AKR1C2: variants seen among roughly 807,000 people sequenced by gnomAD.
AKR1C2 encodes aldo-keto reductase family 1 member C2.
In AKR1C2, 27 loss-of-function variants were observed where a neutral mutation model predicts 39.8. The ratio of observed to expected loss-of-function variants is 0.68; its 90% CI spans 0.50 to 0.93. The LOEUF (loss-of-function observed/expected upper bound fraction) is 0.93, where lower values mean the gene tolerates loss of function less well. Ranked by LOEUF, AKR1C2 falls within the 40% of genes least tolerant of loss-of-function variation. AKR1C2 has a pLI of 0.00. For synonymous variants in AKR1C2, 114 were observed against 137.9 expected (o/e 0.83, Z 1.22); for missense variants, 263 against 365.1 (o/e 0.72, Z 2.28).
At chr10:5,011,936 G>A (rs1220863892) in intron 1 of AKR1C2, among the ~76,000 whole-genome samples, 1 of 152,182 alleles carries the variant, frequency 6.6e-6, no homozygotes, top group Non-Finnish European at 1.5e-5. Context: ...CATGGAAGTA[G>A]TTGCCTGAAG....
In AKR1C2 at chr10:5,001,665, G is replaced by A. The variant is rs782384377; in HGVS notation, c.101C>T (p.Ala34Val). ...TATTGCCAATTTGACGGCCTCTAGA[G>A]CTTTACTTTTAGGAACCTGGGGGAG... ...YAPAEVPKSK[A>V]LEAVKLAIEA... is the part of the protein sequence containing the mutation. The change falls in exon 2 of 9, where the codon GCT becomes GTT. Residue 34 changes from alanine to valine, a missense_variant. This residue lies in a region of AKR1C2 where 247 missense variants were observed against 267.9 expected (regional missense o/e 0.92). Coordinates refer to ENST00000380753, the MANE Select transcript of AKR1C2 (RefSeq NM_001393392.1). 6 of 1,613,692 alleles carry A rather than the reference G, an allele frequency of 3.7e-6. No individual in the cohort carries two copies. In the African/African-American group the frequency reaches 6.7e-5, roughly 18 times the overall value.
chr10:5,002,801 G>C (rs568473483), intron 1 of AKR1C2, among the ~76,000 whole-genome samples: 2 of 152,070 alleles, frequency 1.3e-5, no homozygotes, highest in African/African-American at 4.8e-5. Flanking sequence ...TCTTCTCTTC[G>C]CTGTGCAAGC....
At chr10:5,003,443 C>T (rs1418303922) in intron 1 of AKR1C2, among the ~76,000 whole-genome samples, 6 of 151,338 alleles carry the variant, frequency 4.0e-5, no homozygotes, top group South Asian at 4.3e-4. Context: ...AATATCTGTT[C>T]GACTATACAA....
intron 1 of AKR1C2, chr10:5,010,726 T>C (rs1363419452): frequency 1.3e-5 from 2 of 152,196 alleles, no homozygotes; most frequent in African/African-American, 4.8e-5. Flanking sequence ...AAATTCATGT[T>C]GATGATAAGG....
upstream of AKR1C2, among the ~76,000 whole-genome samples, chr10:5,008,632 A>C (rs1484610552): frequency 8.5e-5 from 13 of 152,230 alleles, no homozygotes; most frequent in Non-Finnish European, 1.5e-5. Flanking sequence ...ATATGAGGAA[A>C]GGGAGATGGG....
chr10:4,996,163 C>G lies in AKR1C2; in HGVS notation c.571-298G>C, dbSNP rs1837029892. The G allele has an allele frequency of 4.5e-5, 13 of 288,076 alleles. No homozygotes were observed. The South Asian group carries it at 6.2e-4, about 14-fold the overall frequency. 17.8% of individuals were successfully genotyped at this position (288,076 alleles called of 1,614,324 possible). The stretch of plus-strand genomic sequence containing the variant: ...TGGGATGAGGTAAGATTCTTTGAGC[C>G]TTGGGCATCAAATCGTGCCAGAAAT... On this transcript the variant is annotated intron_variant, in intron 5 of 8. Coordinates refer to ENST00000380753, the MANE Select transcript of AKR1C2 (RefSeq NM_001393392.1).
rs186037590 is a variant in AKR1C2 at position 5,014,317 on chromosome 10, C to T, written c.-88+3583G>A. On this transcript the variant is annotated intron_variant, in intron 1 of 6. Transcript: ENST00000604507. Reference sequence around the variant, plus strand: ...ACCTCTCTCCTATTGTCCAGGCTGTCCTCTGCTATGGTTACTGGGCTCGTT... The same window carrying T: ...ACCTCTCTCCTATTGTCCAGGCTGTTCTCTGCTATGGTTACTGGGCTCGTT... Among the ~76,000 whole-genome samples the T allele has an allele frequency of 4.1e-3, 619 of 152,246 alleles. 2 individuals carry two copies. Among genetic ancestry groups the T allele is most frequent in the Admixed American group, 9.7e-3 (149 of 15,286 alleles).
chr10:4,996,540 T>C (rs1837049373), intron 5 of AKR1C2, among the ~76,000 whole-genome samples: 1 of 130,024 alleles, frequency 7.7e-6, no homozygotes, highest in African/African-American at 2.6e-5. Flanking sequence ...ATATATTATA[T>C]ATATATAATA....
In AKR1C2 at chr10:5,003,838, C is replaced by A; in HGVS notation, c.-3G>T. ...ACACACTGGTATTTCGAATCCATTT[C>A]TGTCACTGGCCTGGTTAGCAAATGT... On this transcript the variant is annotated 5_prime_UTR_variant, in exon 1 of 9. Transcript: ENST00000380753. 6.2e-7 allele frequency: 1 copy of A among 1,614,100 alleles called. No individual in the cohort carries two copies. The highest frequency in any genetic ancestry group is 8.5e-7 in the Non-Finnish European group (1 of 1,179,970).
intron 3 of AKR1C2, chr10:4,999,535 C>T (rs1837185615): frequency 2.2e-6 from 1 of 452,760 alleles, no homozygotes; most frequent in South Asian, 3.0e-5. Flanking sequence ...TCATCATTGA[C>T]TTTCATTGAC....
chr10:5,002,784 T>A (rs1432556572), intron 1 of AKR1C2, among the ~76,000 whole-genome samples: 3 of 152,174 alleles, frequency 2.0e-5, no homozygotes, highest in African/African-American at 7.2e-5. Context: ...CCTCATACCA[T>A]CTTTGATCTT....
chr10:4,988,825 T>A lies in AKR1C2; in HGVS notation c.*1171A>T, dbSNP rs1307868579. 1 of 151,398 alleles carries A rather than the reference T, an allele frequency of 6.6e-6. No homozygotes were observed. The highest frequency in any genetic ancestry group is 2.4e-5 in the African/African-American group (1 of 41,140). The allele number at this position is 151,398 out of a possible 1,614,324, so 9.4% of individuals were successfully genotyped here. On this transcript the variant is annotated 3_prime_UTR_variant, in exon 9 of 9. Transcript: ENST00000380753. ...AAAACGAAAATCATGTCTTCATGAT[T>A]AGCTGATTTGATTAGTTCCCCTGAA...
chr10:5,011,403 A>C (rs1450947342), intron 1 of AKR1C2, among the ~76,000 whole-genome samples: 1 of 152,244 alleles, frequency 6.6e-6, no homozygotes, highest in Non-Finnish European at 1.5e-5. Flanking sequence ...CTATGTAGCA[A>C]ACTGCACTTG....
chr10:4,990,980 A>G (rs1171132711), intron 8 of AKR1C2, among the ~76,000 whole-genome samples: 1 of 151,128 alleles, frequency 6.6e-6, no homozygotes, highest in Non-Finnish European at 1.5e-5. Context: ...TTTTTCACAC[A>G]TTATCTCATC....
At chr10:5,011,169 G>C (rs1416564867) in intron 1 of AKR1C2, among the ~76,000 whole-genome samples, 1 of 151,938 alleles carries the variant, frequency 6.6e-6, no homozygotes, top group Non-Finnish European at 1.5e-5. Flanking sequence ...ACAATAACAA[G>C]AAAACCCAAA....
chr10:5,008,238 C>G (rs1837444643), upstream of AKR1C2, among the ~76,000 whole-genome samples: 1 of 141,298 alleles, frequency 7.1e-6, no homozygotes, highest in African/African-American at 2.5e-5. Context: ...TCAACATTGC[C>G]TAAATAAAAG....
chr10:5,006,210 T>G (rs187787224), upstream of AKR1C2, among the ~76,000 whole-genome samples: 274 of 152,266 alleles, frequency 1.8e-3, 1 homozygote, highest in African/African-American at 6.2e-3. Context: ...TCATCAAAAT[T>G]TTTCAAATTG....
chr10:4,999,492 A>G, intron 3 of AKR1C2: 3 of 967,144 alleles, frequency 3.1e-6, no homozygotes, highest in Non-Finnish European at 4.4e-6. Flanking sequence ...ATATGTATAA[A>G]TAAATACCAT....
intron 7 of AKR1C2, among the ~76,000 whole-genome samples, chr10:4,994,644 G>T: frequency 6.6e-6 from 1 of 151,722 alleles, no homozygotes; most frequent in Middle Eastern, 3.4e-3. Flanking sequence ...CACTCACACA[G>T]ATGCCCCAGG....
Sources: allele counts gnomAD v4.1 joint callset (sites outside exome capture counted in the v4.1 genomes callset), GRCh38; gene constraint gnomAD v4.1.1; regional missense constraint gnomAD v4.1.1; transcripts MANE v1.5; gene names NCBI Gene and HGNC (gene_info 2026-07-23, HGNC 2026-07-21).